The following SPATA16 variants were observed in gnomAD, a reference collection of about 807,000 sequenced individuals.
SPATA16 encodes the protein spermatogenesis associated 16.
In SPATA16, 36 loss-of-function variants were observed where a neutral mutation model predicts 63.3. That is an observed-to-expected ratio of 0.57 (90% CI 0.44 to 0.75). The LOEUF is 0.75. Ranked by LOEUF, SPATA16 falls within the 30% of genes least tolerant of loss-of-function variation. The probability of loss-of-function intolerance (pLI) is 0.00; values close to 1 mark genes in which losing one functional copy is unlikely to be tolerated. For synonymous variants in SPATA16, 203 were observed against 216.7 expected, an observed-to-expected ratio of 0.94 and a Z score of 0.56; for missense variants, 646 against 679.3, an observed-to-expected ratio of 0.95 and a Z score of 0.54.
chr3:172,971,138 A>C (rs1362415587), intron 5 of SPATA16, among the ~76,000 whole-genome samples: 1 of 152,294 alleles, frequency 6.6e-6, no homozygotes, highest in South Asian at 2.1e-4. Flanking sequence ...TGGAACTTCC[A>C]TGAAGACACC....
chr3:172,974,975 T>C (rs1049065629), intron 5 of SPATA16, among the ~76,000 whole-genome samples: 4 of 152,158 alleles, frequency 2.6e-5, no homozygotes, highest in Non-Finnish European at 5.9e-5. Flanking sequence ...AAAAGAACTA[T>C]TTTTTATCTT....
At chr3:173,075,283 G>T (rs543462844) in intron 2 of SPATA16, among the ~76,000 whole-genome samples, 86 of 152,232 alleles carry the variant, frequency 5.6e-4, no homozygotes, top group African/African-American at 1.9e-3. Flanking sequence ...GACAGATTCT[G>T]CTGAGGATGG....
At chr3:172,909,773 G>A (rs1362099608) in intron 10 of SPATA16, among the ~76,000 whole-genome samples, 1 of 152,208 alleles carries the variant, frequency 6.6e-6, no homozygotes, top group Non-Finnish European at 1.5e-5. Context: ...GTTTTAAACT[G>A]CTACATTTGG....
At chr3:172,900,372 G>T (rs1732103404) in intron 10 of SPATA16, among the ~76,000 whole-genome samples, 1 of 152,110 alleles carries the variant, frequency 6.6e-6, no homozygotes, top group Admixed American at 6.5e-5. Context: ...GTTTGACTAT[G>T]ATGTATCCCG....
intron 8 of SPATA16, among the ~76,000 whole-genome samples, chr3:172,923,797 C>T (rs532235414): frequency 1.3e-5 from 2 of 152,252 alleles, no homozygotes; most frequent in South Asian, 2.1e-4. Context: ...GGTATGAAGG[C>T]ACTATCTTGA....
chr3:173,056,091 G>A (rs1736215118), intron 2 of SPATA16, among the ~76,000 whole-genome samples: 1 of 152,114 alleles, frequency 6.6e-6, no homozygotes, highest in South Asian at 2.1e-4. Context: ...CTATAATAAG[G>A]AGTAACAACT....
At chr3:173,001,379 C>T (rs1245411801) in intron 4 of SPATA16, among the ~76,000 whole-genome samples, 3 of 151,414 alleles carry the variant, frequency 2.0e-5, no homozygotes, top group Non-Finnish European at 4.4e-5. Flanking sequence ...CCACAGCAGG[C>T]TAGGCTCTTG....
At chr3:173,100,705 CACAG>C (rs1737469867) in intron 2 of SPATA16, among the ~76,000 whole-genome samples, 1 of 137,606 alleles carries the variant, frequency 7.3e-6, no homozygotes, top group Admixed American at 7.4e-5. Context: ...CACACACACA[CACAG>C]AGTAAATTCT....
chr3:172,912,681 T>C (rs1357648273), intron 10 of SPATA16, among the ~76,000 whole-genome samples: 4 of 152,228 alleles, frequency 2.6e-5, no homozygotes, highest in Admixed American at 2.6e-4. Flanking sequence ...TTCTTTTTTC[T>C]AGCTTACATT....
chr3:172,925,124 G>A (rs903338939), intron 7 of SPATA16, among the ~76,000 whole-genome samples: 5 of 152,082 alleles, frequency 3.3e-5, no homozygotes, highest in Non-Finnish European at 5.9e-5. Flanking sequence ...TGATGACTGC[G>A]GTGGGTGGGG....
intron 5 of SPATA16, among the ~76,000 whole-genome samples, chr3:172,963,417 T>C (rs1031865844): frequency 2.0e-5 from 3 of 152,012 alleles, no homozygotes; most frequent in East Asian, 1.9e-4. Context: ...TTCTGTACTT[T>C]GCAACCCTTT....
At chr3:172,915,402 G>T (rs532183953) in intron 9 of SPATA16, among the ~76,000 whole-genome samples, 2 of 152,220 alleles carry the variant, frequency 1.3e-5, no homozygotes, top group South Asian at 4.1e-4. Flanking sequence ...CTCAAAGGGG[G>T]AGGGTTTCTT....
intron 10 of SPATA16, among the ~76,000 whole-genome samples, chr3:172,898,504 A>G (rs1732055512): frequency 1.3e-5 from 2 of 151,950 alleles, no homozygotes; most frequent in African/African-American, 2.4e-5. Flanking sequence ...TATATGTAGA[A>G]TTGTTCTAAG....
At chr3:172,937,593 T>A (rs996770033) in intron 6 of SPATA16, among the ~76,000 whole-genome samples, 2 of 134,630 alleles carry the variant, frequency 1.5e-5, no homozygotes, top group African/African-American at 5.0e-5. Flanking sequence ...CAGGAACAAC[T>A]GAGAGTACCT....
intron 2 of SPATA16, among the ~76,000 whole-genome samples, chr3:173,092,836 G>A (rs1350821502): frequency 6.6e-6 from 1 of 152,024 alleles, no homozygotes; most frequent in Non-Finnish European, 1.5e-5. Context: ...AAAAGGTTTT[G>A]TTTCTTTTCT....
chr3:173,072,060 T>C (rs1351211204), intron 2 of SPATA16, among the ~76,000 whole-genome samples: 1 of 152,198 alleles, frequency 6.6e-6, no homozygotes, highest in Non-Finnish European at 1.5e-5. Flanking sequence ...ATCCCATTAC[T>C]GGATATGTAT....
At chr3:172,969,329 T>A (rs2108245525) in intron 5 of SPATA16, among the ~76,000 whole-genome samples, 1 of 152,292 alleles carries the variant, frequency 6.6e-6, no homozygotes, top group South Asian at 2.1e-4. Flanking sequence ...AATTGCATTG[T>A]CAGGTAGGCA....
At chr3:173,116,488 GTTTA>G (rs776088240) in intron 2 of SPATA16, among the ~76,000 whole-genome samples, 3 of 152,132 alleles carry the variant, frequency 2.0e-5, no homozygotes, top group Non-Finnish European at 2.9e-5. Flanking sequence ...TGATTCTGAA[GTTTA>G]TTTTAGTCCA....
chr3:172,964,802 G>T (rs184288332), intron 5 of SPATA16, among the ~76,000 whole-genome samples: 7 of 152,264 alleles, frequency 4.6e-5, no homozygotes, highest in Non-Finnish European at 7.4e-5. Flanking sequence ...TCTCAAACTT[G>T]TACTGCTTTT....
Sources: allele counts gnomAD v4.1 joint callset (sites outside exome capture counted in the v4.1 genomes callset), GRCh38; gene constraint gnomAD v4.1.1; transcripts MANE v1.5; gene names NCBI Gene and HGNC (gene_info 2026-07-23, HGNC 2026-07-21).